Variants in ARGLU1 observed in about 807,000 individuals in gnomAD.
ARGLU1 encodes the protein arginine and glutamate-rich protein 1.
ARGLU1 carries 9 observed loss-of-function variants against 37.6 expected under a neutral mutation model. That is an observed-to-expected ratio of 0.24 (90% CI 0.14 to 0.42). The LOEUF (loss-of-function observed/expected upper bound fraction) is 0.42, where lower values mean the gene tolerates loss of function less well. Ranked by LOEUF, ARGLU1 falls within the 10% of genes least tolerant of loss-of-function variation. The pLI, the probability that ARGLU1 is intolerant of heterozygous loss-of-function variation, is 1.00. For missense variants in ARGLU1, 211 were observed against 359.2 expected, an observed-to-expected ratio of 0.59 and a Z score of 3.34; for synonymous variants, 166 against 138.5, an observed-to-expected ratio of 1.20 and a Z score of -1.39.
intron 3 of ARGLU1, among the ~76,000 whole-genome samples, chr13:106,547,109 G>A (rs779969236): frequency 1.1e-4 from 16 of 152,098 alleles, no homozygotes; most frequent in Non-Finnish European, 1.9e-4. Flanking sequence ...GGCCCTCTCT[G>A]TCTAGCTTGC....
intron 3 of ARGLU1, among the ~76,000 whole-genome samples, chr13:106,548,558 C>A (rs1880453019): frequency 2.6e-5 from 4 of 152,052 alleles, no homozygotes. Flanking sequence ...ATCCACAATA[C>A]CAGAACCAAT....
At position 106,544,250 on chromosome 13, in the gene ARGLU1, C is replaced by CA. The variant is rs544618903; in HGVS notation, c.658-91dup. 101 of 1,193,178 alleles carry CA rather than the reference C, an allele frequency of 8.5e-5. No individual in the cohort carries two copies. The African/African-American group carries it at 1.5e-3, about 18-fold the overall frequency. 73.9% of individuals were successfully genotyped at this position (1,193,178 alleles called of 1,614,324 possible). On this transcript the variant is annotated intron_variant, in intron 3 of 3. Coordinates refer to ENST00000400198, the MANE Select transcript of ARGLU1 (RefSeq NM_018011.4). ...ACAGGTGTTATCTATTATGTATCTA[C>CA]AAAAAAATTTTTAATGCAAATGCAA...
At position 106,565,863 on chromosome 13, in the gene ARGLU1, G is replaced by T. The variant is rs770599148; in HGVS notation, c.347+1710C>A. Among the ~76,000 whole-genome samples, 5 of 152,214 alleles carry T rather than the reference G, an allele frequency of 3.3e-5. No individual in the cohort carries two copies. The East Asian group carries it at 9.7e-4, about 29-fold the overall frequency. On this transcript the variant is annotated intron_variant, in intron 1 of 3. Transcript: ENST00000400198. ...CCTCTATTTGCCGTATTTCATTCCT[G>T]AATTTCTTGTCTGCTATACATGCGA...
In ARGLU1 at chr13:106,557,110, C is replaced by A; in HGVS notation, c.595G>T (p.Glu199Ter). 1 of 1,613,850 alleles carries A rather than the reference C, an allele frequency of 6.2e-7. No homozygotes were observed. The highest frequency in any genetic ancestry group is 8.5e-7 in the Non-Finnish European group (1 of 1,179,802). The change falls in exon 3 of 4, where the codon GAG (glutamate) becomes TAG (stop). Residue 199 changes from glutamate to a stop codon, truncating the protein, a stop_gained. Transcript: ENST00000400198. LOFTEE classifies it high-confidence loss of function. The surrounding 1 kb of genome is among the most constrained non-coding windows in gnomAD (Gnocchi z 5.0). ...TCTTCCAGTATTCGCTCTAGCTCCTCACGTTTTGCACGTTCTTCCTCCTAA... is the reference window on the plus strand; with the variant it reads ...TCTTCCAGTATTCGCTCTAGCTCCTAACGTTTTGCACGTTCTTCCTCCTAA... Reference protein sequence around the residue: ...AREEEERAKREELERILEENN... With the variant: ...AREEEERAKR
chr13:106,549,905 A>G (rs1880492160), intron 3 of ARGLU1, among the ~76,000 whole-genome samples: 1 of 152,250 alleles, frequency 6.6e-6, no homozygotes, highest in Non-Finnish European at 1.5e-5. Context: ...AGACTGCTGT[A>G]TAATTTTGCC....
intron 1 of ARGLU1, among the ~76,000 whole-genome samples, chr13:106,566,286 C>T (rs1443971486): frequency 2.6e-5 from 4 of 152,192 alleles, no homozygotes; most frequent in Non-Finnish European, 4.4e-5. Flanking sequence ...GTGCTCCAGT[C>T]CTACCTTTTA....
Position 106,567,811 on chromosome 13 carries a change from C to A in ARGLU1, c.109G>T (p.Val37Leu), listed in dbSNP as rs373387006. The change falls in exon 1 of 4, where the codon GTG becomes TTG. Residue 37 changes from valine (V) to leucine (L), a missense_variant. This residue lies in a region of ARGLU1 where 130 missense variants were observed against 179.8 expected (regional missense o/e 0.72). Transcript: ENST00000400198. This position sits in a 1 kb window ranked among gnomAD's most constrained non-coding sequence, Gnocchi z 4.3. ...TCCCGAGATTTGGAACGCTTCCGCA[C>A]GCGCTCCTTGTCCCGGGATCGCGAC... Reference protein sequence around the residue: ...SRSRSRDKERVRKRSKSRESK... With the variant: ...SRSRSRDKERLRKRSKSRESK... 1.2e-6 allele frequency: 2 copies of A among 1,613,688 alleles called. No individual in the cohort carries two copies. Among genetic ancestry groups the A allele is most frequent in the African/African-American group, 1.3e-5 (1 of 75,012 alleles).
At position 106,543,833 on chromosome 13, in the gene ARGLU1, A is replaced by G. The variant is rs1880324130; in HGVS notation, c.*163T>C. 1 of 603,368 alleles carries G rather than the reference A, an allele frequency of 1.7e-6. No individual in the cohort carries two copies. Among genetic ancestry groups the G allele is most frequent in the Admixed American group, 3.9e-5 (1 of 25,776 alleles). 37.4% of individuals were successfully genotyped at this position (603,368 alleles called of 1,614,324 possible). A position where few individuals can be genotyped will look rare whatever the true frequency, so the allele number is the denominator to read the frequency against. ...ATTTGACTTAGTGGAAGGAAAAAAA[A>G]AAAAAAAAAGGGAATTGCAGAGCAT... On this transcript the variant is annotated 3_prime_UTR_variant, in exon 4 of 4. Coordinates refer to ENST00000400198, the MANE Select transcript of ARGLU1 (RefSeq NM_018011.4).
intron 3 of ARGLU1, among the ~76,000 whole-genome samples, chr13:106,555,676 T>C (rs2138970480): frequency 6.6e-6 from 1 of 152,328 alleles, no homozygotes; most frequent in Non-Finnish European, 1.5e-5. Context: ...TTTCCAGTGA[T>C]CACACACCGA....
chr13:106,564,760 G>A (rs1382597822), intron 1 of ARGLU1, among the ~76,000 whole-genome samples: 1 of 152,152 alleles, frequency 6.6e-6, no homozygotes, highest in South Asian at 2.1e-4. Flanking sequence ...ACATGATCAA[G>A]TCTGGATAAA....
At chr13:106,545,809 T>C (rs1380709027) in intron 3 of ARGLU1, among the ~76,000 whole-genome samples, 1 of 152,134 alleles carries the variant, frequency 6.6e-6, no homozygotes, top group Admixed American at 6.5e-5. Flanking sequence ...TTACAAGCAG[T>C]GAGAGAATCT....
At chr13:106,551,184 G>T (rs776429601) in intron 3 of ARGLU1, among the ~76,000 whole-genome samples, 12 of 152,198 alleles carry the variant, frequency 7.9e-5, no homozygotes, top group Non-Finnish European at 1.0e-4. Context: ...AGTAGCCTGA[G>T]ATATTCCCAA....
chr13:106,556,818 T>C (rs1880672038), intron 3 of ARGLU1, among the ~76,000 whole-genome samples: 1 of 152,156 alleles, frequency 6.6e-6, no homozygotes, highest in Non-Finnish European at 1.5e-5. Flanking sequence ...AACAAAATAA[T>C]TTCCCCAGAA....
In ARGLU1 at chr13:106,567,495, C is replaced by T; in HGVS notation, c.347+78G>A. 1 of 1,063,420 alleles carries T rather than the reference C, an allele frequency of 9.4e-7. No individual in the cohort carries two copies. Among genetic ancestry groups the T allele is most frequent in the Non-Finnish European group, 1.4e-6 (1 of 719,044 alleles). The allele number at this position is 1,063,420 out of a possible 1,614,324, so 65.9% of individuals were successfully genotyped here. A position where few individuals can be genotyped will look rare whatever the true frequency, so the allele number is the denominator to read the frequency against. Reference sequence around the variant, plus strand: ...TCCCCGCCATTCTCCCGGCCCGCACCGTCCCGCCCCGGCCCCACGCCCTCG... The same window carrying T: ...TCCCCGCCATTCTCCCGGCCCGCACTGTCCCGCCCCGGCCCCACGCCCTCG... On this transcript the variant is annotated intron_variant, in intron 1 of 3. Transcript: ENST00000400198. This position sits in a 1 kb window ranked among gnomAD's most constrained non-coding sequence, Gnocchi z 4.3.
At chr13:106,551,820 G>T (rs184564817) in intron 3 of ARGLU1, among the ~76,000 whole-genome samples, 2 of 152,176 alleles carry the variant, frequency 1.3e-5, no homozygotes, top group Admixed American at 6.5e-5. Context: ...TCTCTCCTCT[G>T]TCTTTACTTA....
chr13:106,556,877 G>T (rs1267163564), intron 3 of ARGLU1, among the ~76,000 whole-genome samples, 171 bp downstream of exon 3: 3 of 152,122 alleles, frequency 2.0e-5, no homozygotes, highest in African/African-American at 7.2e-5. Flanking sequence ...GTCCAGATTG[G>T]AAGGAAAAAT....
intron 2 of ARGLU1, chr13:106,559,094 C>T: frequency 8.1e-7 from 1 of 1,236,560 alleles, no homozygotes; most frequent in Non-Finnish European, 1.0e-6. Context: ...GGATTTTTAA[C>T]CTTTTCCCTT....
Position 106,544,814 on chromosome 13 carries a change from G to A in ARGLU1, c.658-654C>T, listed in dbSNP as rs1042663621. 3.3e-5 allele frequency among the ~76,000 whole-genome samples: 5 copies of A among 152,176 alleles called. No homozygotes were observed. In the East Asian group the frequency reaches 5.8e-4, roughly 18 times the overall value. On this transcript the variant is annotated intron_variant, in intron 3 of 3. Transcript: ENST00000400198. ...GTATCAGTAGACAACCAAGAAACAC[G>A]ACAGACCCAATTACCTGAAGAAAAA...
At position 106,567,549 on chromosome 13, in the gene ARGLU1, G is replaced by A; in HGVS notation, c.347+24C>T. ...CGCGCCCTGCTCTCCGCACGCCCCGGTCCCTCCCCGCGCGGGCACTCACAT... is the reference window on the plus strand; with the variant it reads ...CGCGCCCTGCTCTCCGCACGCCCCGATCCCTCCCCGCGCGGGCACTCACAT... On this transcript the variant is annotated intron_variant, in intron 1 of 3. Coordinates refer to ENST00000400198, the MANE Select transcript of ARGLU1 (RefSeq NM_018011.4). This position sits in a 1 kb window ranked among gnomAD's most constrained non-coding sequence, Gnocchi z 4.3. 6.5e-7 allele frequency: 1 copy of A among 1,532,506 alleles called. No homozygotes were observed. Among genetic ancestry groups the A allele is most frequent in the Non-Finnish European group, 9.0e-7 (1 of 1,106,476 alleles). The allele number at this position is 1,532,506 out of a possible 1,614,324, so 94.9% of individuals were successfully genotyped here.
Sources: allele counts gnomAD v4.1 joint callset (sites outside exome capture counted in the v4.1 genomes callset), GRCh38; gene constraint gnomAD v4.1.1; regional missense constraint gnomAD v4.1.1; non-coding constraint Gnocchi (gnomAD v3.1); transcripts MANE v1.5; gene names NCBI Gene and HGNC (gene_info 2026-07-23, HGNC 2026-07-21).